ULK3: variants seen among roughly 807,000 people sequenced by gnomAD.
The protein encoded by ULK3 is unc-51 like kinase 3.
In ULK3, 54 loss-of-function variants were observed where a neutral mutation model predicts 69.4. That is an observed-to-expected ratio of 0.78 (90% CI 0.63 to 0.98). ULK3 has a LOEUF of 0.98. Among genes scored for constraint, ULK3 ranks in the 50% least tolerant of loss-of-function variants. The pLI is 0.00. For missense variants in ULK3, 558 were observed against 627.7 expected, an observed-to-expected ratio of 0.89 and a Z score of 1.19; for synonymous variants, 240 against 254.5, an observed-to-expected ratio of 0.94 and a Z score of 0.54.
Position 74,839,350 on chromosome 15 carries a change from C to T in ULK3, c.876G>A (p.Val292=). 1 of 1,564,402 alleles carries T rather than the reference C, an allele frequency of 6.4e-7. No homozygotes were observed. The highest frequency in any genetic ancestry group is 8.7e-7 in the Non-Finnish European group (1 of 1,153,970). The change falls in exon 8 of 16, where the codon GTG becomes GTA. Residue 292 remains valine (V), a synonymous_variant. Coordinates refer to ENST00000440863, the MANE Select transcript of ULK3 (RefSeq NM_001099436.4). ...GRATALVVQA[V]KKDQEGDSAA... ...CTGAATCCCCCTCCTGGTCTTTCTT[C>T]ACAGCCTGCACCACCAGGGCGGTCT...
rs1333156812 is a variant in ULK3, at chr15:74,837,159, T to C, written c.*69A>G. The C allele has an allele frequency of 6.6e-7, 1 of 1,507,092 alleles. No individual in the cohort carries two copies. Among genetic ancestry groups the C allele is most frequent in the African/African-American group, 1.4e-5 (1 of 71,606 alleles). 93.4% of individuals were successfully genotyped at this position (1,507,092 alleles called of 1,614,324 possible). On this transcript the variant is annotated 3_prime_UTR_variant, in exon 16 of 16. Coordinates refer to ENST00000440863, the MANE Select transcript of ULK3 (RefSeq NM_001099436.4). Reference sequence around the variant, plus strand: ...AGGGCTGCAGTGGGCCACTTCATTCTTGGCGTCAGCCTGGGTTAGTGCCCC... The same window carrying C: ...AGGGCTGCAGTGGGCCACTTCATTCCTGGCGTCAGCCTGGGTTAGTGCCCC...
In ULK3 at chr15:74,842,389, C is replaced by T; in HGVS notation, c.134G>A (p.Cys45Tyr). The T allele has an allele frequency of 6.2e-7, 1 of 1,614,008 alleles. No individual in the cohort carries two copies. Among genetic ancestry groups the T allele is most frequent in the South Asian group, 1.1e-5 (1 of 91,090 alleles). ...KDTREVVAIKCVAKKSLNKAS... is the reference protein window; with the variant it reads ...KDTREVVAIKYVAKKSLNKAS... ...CTTGTTCAGACTTTTCTTGGCTACACACTTTATGGCTACCACTTCACGAGT... is the reference window on the plus strand; with the variant it reads ...CTTGTTCAGACTTTTCTTGGCTACATACTTTATGGCTACCACTTCACGAGT... The change falls in exon 2 of 16, where the codon TGT (cysteine) becomes TAT (tyrosine). Residue 45 changes from cysteine to tyrosine, a missense_variant. Transcript: ENST00000440863. The surrounding 1 kb of genome is among the most constrained non-coding windows in gnomAD (Gnocchi z 4.9).
At position 74,840,642 on chromosome 15, in the gene ULK3, C is replaced by A; in HGVS notation, c.470-1G>T. On this transcript the variant is annotated splice_acceptor_variant, in intron 4 of 15. Coordinates refer to ENST00000440863, the MANE Select transcript of ULK3 (RefSeq NM_001099436.4). LOFTEE classifies it high-confidence loss of function. ...GACATGTGTTGTGCGAAACCAAAGT[C>A]TGCAGGCAAGAGGAGAGGCAGCAGG... 2 of 1,558,148 alleles carry A rather than the reference C, an allele frequency of 1.3e-6. No homozygotes were observed. The highest frequency in any genetic ancestry group is 1.7e-6 in the Non-Finnish European group (2 of 1,154,760).
chr15:74,839,738 C>A, intron 6 of ULK3, 25 bp from the exon 7 acceptor site: 1 of 1,510,454 alleles, frequency 6.6e-7, no homozygotes. Context: ...ACGGCAGGGA[C>A]AGATCACACT....
intron 4 of ULK3, 82 bp from the exon 5 acceptor site, chr15:74,840,723 C>G: frequency 6.8e-7 from 1 of 1,472,414 alleles, no homozygotes; most frequent in South Asian, 1.4e-5. Flanking sequence ...CCAGGCTCCT[C>G]TCCACCCTCC....
rs533038415 is a variant in ULK3, at chr15:74,838,576, C to G, written c.1102+67G>C. 1.6e-5 allele frequency: 25 copies of G among 1,573,384 alleles called. No individual in the cohort carries two copies. In the South Asian group the frequency reaches 2.2e-4, roughly 14 times the overall value. The stretch of plus-strand genomic sequence containing the variant: ...TCGCTGCAGGATGCCTCTCCCCACC[C>G]GCCTCCCCCTCAGGCTGTGGGGAGG... On this transcript the variant is annotated intron_variant, in intron 10 of 15. Transcript: ENST00000440863.
chr15:74,837,728 C>A (rs1381754856), intron 14 of ULK3, 23 bp downstream of exon 14: 2 of 1,586,602 alleles, frequency 1.3e-6, no homozygotes, highest in South Asian at 2.3e-5. Flanking sequence ...ACCCTAGCCC[C>A]AGCGTGGCCC....
intron 9 of ULK3, 36 bp from the exon 10 acceptor site, chr15:74,838,781 C>T (rs2064128608): frequency 6.4e-7 from 1 of 1,553,108 alleles, no homozygotes. Context: ...GGGGCTGTCT[C>T]ACCAGCTACC....
rs535259870 is a variant in ULK3, at chr15:74,843,131, G to T, written c.-26C>A. The T allele has an allele frequency of 3.8e-4, 471 of 1,240,948 alleles. 2 individuals carry two copies. The African/African-American group carries it at 7.0e-3, about 18-fold the overall frequency. The allele number at this position is 1,240,948 out of a possible 1,614,324, so 76.9% of individuals were successfully genotyped here. A position where few individuals can be genotyped will look rare whatever the true frequency, so the allele number is the denominator to read the frequency against. On this transcript the variant is annotated 5_prime_UTR_variant, in exon 1 of 16. Transcript: ENST00000440863. The stretch of plus-strand genomic sequence containing the variant: ...TCCGGCCGCCTGCGCCCGCGCGGGC[G>T]CTTCCTCGCTGCGGGCGGCGGTTCC...
chr15:74,837,820 T>C (rs761788183), intron 13 of ULK3, 22 bp from the exon 14 acceptor site: 1 of 1,583,248 alleles, frequency 6.3e-7, no homozygotes, highest in South Asian at 1.2e-5. Flanking sequence ...AGATATGCCC[T>C]TGGGTGTGGG....
At position 74,839,268 on chromosome 15, in the gene ULK3, A is replaced by G; in HGVS notation, c.958T>C (p.Tyr320His). ...GCTTCAGGCATGGCCTGGGACTCAC[A>G]GTGCAGGGCAGGTACAAAGAAGTCC... ...ALDFFVPALHYEVDAQRKEAI... is the reference protein window; with the variant it reads ...ALDFFVPALHHEVDAQRKEAI... Residue 320 changes from tyrosine to histidine, a missense_variant and splice_region_variant, in exon 8 of 16, where the codon TAT (tyrosine) becomes CAT (histidine). By Grantham distance (83) the Tyr-to-His change is moderately conservative (BLOSUM62 2). Transcript: ENST00000440863. 6.4e-7 allele frequency: 1 copy of G among 1,555,768 alleles called. No individual in the cohort carries two copies.
At chr15:74,838,117 G>A (rs927354258) in intron 13 of ULK3, 35 bp downstream of exon 13, 3 of 1,550,058 alleles carry the variant, frequency 1.9e-6, no homozygotes, top group South Asian at 2.4e-5. Context: ...AAGGGGAAGA[G>A]GAAGCCCCCC....
rs2064155802 is a variant in ULK3 at position 74,839,352 on chromosome 15, C to T, written c.874G>A (p.Val292Met). ...GAATCCCCCTCCTGGTCTTTCTTCA[C>T]AGCCTGCACCACCAGGGCGGTCTGG... Reference protein sequence around the residue: ...GRATALVVQAVKKDQEGDSAA... With the variant: ...GRATALVVQAMKKDQEGDSAA... Residue 292 changes from valine (V) to methionine (M), a missense_variant, in exon 8 of 16, where the codon GTG (valine) becomes ATG (methionine). Coordinates refer to ENST00000440863, the MANE Select transcript of ULK3 (RefSeq NM_001099436.4). 1 of 1,564,074 alleles carries T rather than the reference C, an allele frequency of 6.4e-7. No individual in the cohort carries two copies. The highest frequency in any genetic ancestry group is 8.7e-7 in the Non-Finnish European group (1 of 1,153,820).
At chr15:74,838,013 C>G in intron 13 of ULK3, 139 bp downstream of exon 13, 1 of 1,394,214 alleles carries the variant, frequency 7.2e-7, no homozygotes, top group Non-Finnish European at 9.7e-7. Flanking sequence ...TCTGAGCACC[C>G]CAGCCCTATG....
At chr15:74,839,875 C>T (rs954477265) in intron 6 of ULK3, among the ~76,000 whole-genome samples, 162 bp from the exon 7 acceptor site, 4 of 152,116 alleles carry the variant, frequency 2.6e-5, no homozygotes, top group Non-Finnish European at 5.9e-5. Context: ...CAGCGGGGAG[C>T]GAGGCCTCCA....
rs1195407786 is a variant in ULK3, at chr15:74,842,507, C to A, written c.103-87G>T. 1 of 1,604,910 alleles carries A rather than the reference C, an allele frequency of 6.2e-7. No individual in the cohort carries two copies. On this transcript the variant is annotated intron_variant, in intron 1 of 15. Coordinates refer to ENST00000440863, the MANE Select transcript of ULK3 (RefSeq NM_001099436.4). The surrounding 1 kb of genome is among the most constrained non-coding windows in gnomAD (Gnocchi z 4.9). ...AAGGCTCTATCTGGTTCCCTCTGTT[C>A]CCCCACCCCGCCCCTCCCCGGGTCT...
intron 9 of ULK3, 65 bp from the exon 10 acceptor site, chr15:74,838,810 C>A: frequency 6.8e-7 from 1 of 1,480,714 alleles, no homozygotes; most frequent in South Asian, 1.2e-5. Flanking sequence ...AACCCACCTC[C>A]AAGTTCTCCC....
At position 74,837,341 on chromosome 15, in the gene ULK3, G is replaced by A. The variant is rs751664437; in HGVS notation, c.1402+28C>T. ...CCCCAGCCCTCACCCCTCCTTGGAT[G>A]GAGGATCGACCCCAGGGCAGGACTC... On this transcript the variant is annotated intron_variant, in intron 15 of 15. Coordinates refer to ENST00000440863, the MANE Select transcript of ULK3 (RefSeq NM_001099436.4). 6 of 1,612,904 alleles carry A rather than the reference G, an allele frequency of 3.7e-6. No homozygotes were observed. In the Admixed American group the frequency reaches 1.0e-4, roughly 27 times the overall value.
At chr15:74,840,826 C>T (rs1349540753) in intron 4 of ULK3, 185 bp from the exon 5 acceptor site, 11 of 763,064 alleles carry the variant, frequency 1.4e-5, no homozygotes, top group Admixed American at 3.5e-5. Context: ...AAAACCTACC[C>T]ATCCTTCCCA....
Sources: allele counts gnomAD v4.1 joint callset (sites outside exome capture counted in the v4.1 genomes callset), GRCh38; gene constraint gnomAD v4.1.1; non-coding constraint Gnocchi (gnomAD v3.1); transcripts MANE v1.5; gene names NCBI Gene and HGNC (gene_info 2026-07-23, HGNC 2026-07-21).